The following ZNF385D variants were observed in gnomAD, a reference collection of about 807,000 sequenced individuals.
ZNF385D encodes the protein zinc finger protein 659.
A neutral mutation model predicts 35.8 loss-of-function variants in ZNF385D; 15 were observed. The ratio of observed to expected loss-of-function variants is 0.42; its 90% CI spans 0.28 to 0.64. The LOEUF is 0.64. ZNF385D is among the 30% of genes least tolerant of loss of function. ZNF385D has a pLI of 0.23. For missense variants in ZNF385D, 474 were observed against 494.6 expected (o/e 0.96, Z 0.39); for synonymous variants, 212 against 186.8 (o/e 1.13, Z -1.10).
At chr3:22,125,800 C>A (rs1035525560) in intron 3 of ZNF385D, among the ~76,000 whole-genome samples, 1 of 151,968 alleles carries the variant, frequency 6.6e-6, no homozygotes, top group Admixed American at 6.6e-5. Context: ...TTTATCAATT[C>A]TCATCATTTT....
At chr3:21,499,106 G>C (rs1030115516) in intron 4 of ZNF385D, among the ~76,000 whole-genome samples, 5 of 151,972 alleles carry the variant, frequency 3.3e-5, no homozygotes, top group Admixed American at 3.3e-4. Flanking sequence ...ATTACAATTA[G>C]ACCCAGCAAC....
intron 2 of ZNF385D, among the ~76,000 whole-genome samples, chr3:22,346,150 T>C (rs1695650137): frequency 6.6e-6 from 1 of 152,226 alleles, no homozygotes; most frequent in East Asian, 1.9e-4. Context: ...TATTTTCATA[T>C]TTCCCACTCC....
chr3:21,999,779 A>T (rs1177064814), intron 3 of ZNF385D, among the ~76,000 whole-genome samples: 1,873 of 96,260 alleles, frequency 0.019, 52 homozygotes, highest in African/African-American at 0.076. Flanking sequence ...GCAAAAAAAA[A>T]AAAAATAATA....
At chr3:22,164,727 T>G (rs1419956177) in intron 3 of ZNF385D, among the ~76,000 whole-genome samples, 2 of 152,104 alleles carry the variant, frequency 1.3e-5, no homozygotes, top group African/African-American at 4.8e-5. Context: ...CCCTTTCACC[T>G]GATAATCATC....
intron 3 of ZNF385D, among the ~76,000 whole-genome samples, chr3:22,050,204 A>C (rs1699262840): frequency 6.6e-6 from 1 of 152,066 alleles, no homozygotes; most frequent in East Asian, 1.9e-4. Flanking sequence ...GGTTTAAAAA[A>C]AAAAAAAAGC....
At chr3:22,015,533 A>G (rs971912794) in intron 3 of ZNF385D, among the ~76,000 whole-genome samples, 4 of 151,942 alleles carry the variant, frequency 2.6e-5, no homozygotes, top group African/African-American at 7.3e-5. Context: ...GTGACTCTCA[A>G]TCCCATTTCT....
intron 2 of ZNF385D, among the ~76,000 whole-genome samples, chr3:22,245,418 A>G (rs1249798030): frequency 2.6e-5 from 4 of 151,552 alleles, no homozygotes; most frequent in African/African-American, 9.7e-5. Context: ...GTGTATTTCA[A>G]AATATTTAGA....
chr3:21,903,426 TA>T (rs1396234768), intron 3 of ZNF385D, among the ~76,000 whole-genome samples: 1 of 152,186 alleles, frequency 6.6e-6, no homozygotes, highest in East Asian at 1.9e-4. Context: ...ACTCTATTTT[TA>T]AAAGATCTTC....
intron 2 of ZNF385D, among the ~76,000 whole-genome samples, chr3:22,360,017 A>G (rs916561579): frequency 3.3e-5 from 5 of 151,904 alleles, no homozygotes; most frequent in African/African-American, 1.2e-4. Context: ...AAAGCTGCAA[A>G]TAAGAAACAG....
At chr3:22,304,854 T>G (rs1384499260) in intron 2 of ZNF385D, among the ~76,000 whole-genome samples, 1 of 152,172 alleles carries the variant, frequency 6.6e-6, no homozygotes. Context: ...ATGTCTCCTT[T>G]AGCAGTTGCC....
At chr3:22,123,952 C>CTT (rs1300029907) in intron 3 of ZNF385D, among the ~76,000 whole-genome samples, 5 of 102,122 alleles carry the variant, frequency 4.9e-5, no homozygotes, top group African/African-American at 1.8e-4. Flanking sequence ...CTCTCTCTCT[C>CTT]TCTCTCTCTC....
rs763668779 is a variant in ZNF385D at position 21,414,400 on chromosome 3, G to A, written c.*6814C>T. ...ACTCCAACCTTTTTTCAGGACAAAAGAGAAAGCTAATATAGCTACAAATGA... is the reference window on the plus strand; with the variant it reads ...ACTCCAACCTTTTTTCAGGACAAAAAAGAAAGCTAATATAGCTACAAATGA... On this transcript the variant is annotated 3_prime_UTR_variant, in exon 8 of 8. Coordinates refer to ENST00000281523, the MANE Select transcript of ZNF385D (RefSeq NM_024697.3). The A allele has an allele frequency of 1.3e-5, 2 of 152,044 alleles. No individual in the cohort carries two copies. The highest frequency in any genetic ancestry group is 2.9e-5 in the Non-Finnish European group (2 of 67,988). The allele number at this position is 152,044 out of a possible 1,614,324, so 9.4% of individuals were successfully genotyped here. A position where few individuals can be genotyped will look rare whatever the true frequency, so the allele number is the denominator to read the frequency against.
intron 2 of ZNF385D, among the ~76,000 whole-genome samples, chr3:22,322,007 G>C (rs1303004404): frequency 6.6e-6 from 1 of 151,842 alleles, no homozygotes; most frequent in African/African-American, 2.4e-5. Flanking sequence ...GAGTTCTTTA[G>C]AAAATTCCCT....
intron 2 of ZNF385D, among the ~76,000 whole-genome samples, chr3:21,664,111 TAA>T (rs201721578): frequency 1.5e-5 from 2 of 137,556 alleles, no homozygotes. Context: ...AAGATAATAT[TAA>T]AAAAAAAAAA....
intron 2 of ZNF385D, among the ~76,000 whole-genome samples, chr3:22,181,697 CAAAA>C (rs71620745): frequency 6.0e-5 from 5 of 83,704 alleles, no homozygotes; most frequent in Admixed American, 1.4e-4. Flanking sequence ...GACTCCGTCT[CAAAA>C]AAAAAAAAAA....
At chr3:22,271,950 T>C (rs1701199508) in intron 2 of ZNF385D, among the ~76,000 whole-genome samples, 1 of 152,048 alleles carries the variant, frequency 6.6e-6, no homozygotes, top group South Asian at 2.1e-4. Flanking sequence ...TCTCCTCCCA[T>C]GCTAATGATA....
chr3:21,737,058 G>A (rs1309865332), intron 1 of ZNF385D, among the ~76,000 whole-genome samples: 2 of 152,104 alleles, frequency 1.3e-5, no homozygotes, highest in Non-Finnish European at 2.9e-5. Flanking sequence ...TTCTGCCTCA[G>A]CCTCCCGAGT....
chr3:22,289,385 T>C (rs1702183484), intron 2 of ZNF385D, among the ~76,000 whole-genome samples: 1 of 152,170 alleles, frequency 6.6e-6, no homozygotes, highest in Non-Finnish European at 1.5e-5. Context: ...AGAGAGAATC[T>C]ACAGACTTGG....
At chr3:21,805,494 A>G (rs1363377282) in intron 3 of ZNF385D, among the ~76,000 whole-genome samples, 1 of 152,186 alleles carries the variant, frequency 6.6e-6, no homozygotes, top group African/African-American at 2.4e-5. Flanking sequence ...TTCAAGTCTA[A>G]CACTTCCCTT....
Sources: gnomAD v4.1 joint callset for allele counts (sites outside exome capture counted in the v4.1 genomes callset) on GRCh38, gnomAD v4.1.1 for gene constraint, MANE v1.5 for transcripts, NCBI Gene and HGNC (gene_info 2026-07-23, HGNC 2026-07-21) for gene names.